C8orf34: variants seen among roughly 807,000 people sequenced by gnomAD.
C8orf34 encodes the protein uncharacterized protein C8orf34.
A neutral mutation model predicts 68.3 loss-of-function variants in C8orf34; 65 were observed. The ratio of observed to expected loss-of-function variants is 0.95; its 90% confidence interval spans 0.78 to 1.17. The LOEUF (loss-of-function observed/expected upper bound fraction) is 1.17, where lower values mean the gene tolerates loss of function less well. Ranked by LOEUF, C8orf34 falls within the 50% of genes most tolerant of loss-of-function variation. The probability of loss-of-function intolerance (pLI) is 0.00; values close to 1 mark genes in which losing one functional copy is unlikely to be tolerated. For missense variants in C8orf34, 664 were observed against 655.4 expected (o/e 1.01, Z -0.14); for synonymous variants, 244 against 241.2 (o/e 1.01, Z -0.11).
intron 1 of C8orf34, among the ~76,000 whole-genome samples, chr8:68,367,667 C>T (rs1807337961): frequency 7.0e-6 from 1 of 142,292 alleles, no homozygotes; most frequent in Non-Finnish European, 1.5e-5. Flanking sequence ...CCAAACACCA[C>T]ATATTCTCAC....
At position 68,647,693 on chromosome 8, in the gene C8orf34, G is replaced by A. The variant is rs35109419; in HGVS notation, c.1241+7182G>A. ...TGTGCCAAAAAGTGATTAAAGGATC[G>A]AGAATATAACACAAGGTTTGTTGTT... On this transcript the variant is annotated intron_variant, in intron 8 of 13. Coordinates refer to ENST00000518698, the MANE Select transcript of C8orf34 (RefSeq NM_052958.4). 3.9e-3 allele frequency among the ~76,000 whole-genome samples: 600 copies of A among 152,228 alleles called. 1 individual carries two copies. Among genetic ancestry groups the A allele is most frequent in the Non-Finnish European group, 6.1e-3 (414 of 68,002 alleles).
intron 1 of C8orf34, among the ~76,000 whole-genome samples, chr8:68,424,830 G>T (rs1388215965): frequency 6.6e-6 from 1 of 152,082 alleles, no homozygotes; most frequent in Non-Finnish European, 1.5e-5. Context: ...AACCTGGGAG[G>T]CGGAGCTTGC....
chr8:68,647,688 G>A (rs1012544913), intron 8 of C8orf34, among the ~76,000 whole-genome samples: 1 of 152,088 alleles, frequency 6.6e-6, no homozygotes, highest in East Asian at 1.9e-4. Context: ...AGTGATTAAA[G>A]GATCGAGAAT....
chr8:68,467,183 G>C (rs1001473988), intron 3 of C8orf34, among the ~76,000 whole-genome samples: 1 of 151,670 alleles, frequency 6.6e-6, no homozygotes, highest in African/African-American at 2.4e-5. Context: ...TCTCATCCTG[G>C]CCCTATAGTA....
intron 7 of C8orf34, among the ~76,000 whole-genome samples, chr8:68,586,025 G>T (rs1817199659): frequency 6.6e-6 from 1 of 152,004 alleles, no homozygotes; most frequent in Non-Finnish European, 1.5e-5. Flanking sequence ...CTTGGAGGCT[G>T]GTTACCACCT....
intron 3 of C8orf34, among the ~76,000 whole-genome samples, chr8:68,461,585 C>T (rs567001796): frequency 1.7e-4 from 26 of 152,280 alleles, no homozygotes; most frequent in African/African-American, 5.1e-4. Context: ...AGACTAAGAG[C>T]GGATCTCTCG....
At chr8:68,563,918 C>A (rs1816507833) in intron 7 of C8orf34, among the ~76,000 whole-genome samples, 1 of 152,122 alleles carries the variant, frequency 6.6e-6, no homozygotes, top group African/African-American at 2.4e-5. Flanking sequence ...TTACTGAACA[C>A]AATTTAGCTT....
intron 6 of C8orf34, among the ~76,000 whole-genome samples, chr8:68,526,136 T>C (rs1814976491): frequency 6.6e-6 from 1 of 151,842 alleles, no homozygotes; most frequent in Non-Finnish European, 1.5e-5. Context: ...TTCTTTTAAA[T>C]TTTTTGTAGA....
chr8:68,551,031 G>C (rs1816052280), intron 7 of C8orf34, among the ~76,000 whole-genome samples: 1 of 151,388 alleles, frequency 6.6e-6, no homozygotes, highest in African/African-American at 2.4e-5. Context: ...TGAGCTTCTT[G>C]GATCTGTGGC....
chr8:68,647,738 A>G (rs1269428253), intron 8 of C8orf34, among the ~76,000 whole-genome samples: 2 of 152,250 alleles, frequency 1.3e-5, no homozygotes, highest in African/African-American at 2.4e-5. Context: ...TATAAGAAAT[A>G]AAGAAAAATA....
intron 12 of C8orf34, among the ~76,000 whole-genome samples, chr8:68,795,781 T>C (rs61141135): frequency 0.038 from 5,858 of 152,320 alleles, 309 homozygotes; most frequent in African/African-American, 0.11. Flanking sequence ...TGGCCTTCCA[T>C]GGAAGTCTCA....
chr8:68,644,152 T>C (rs1255150857), intron 8 of C8orf34, among the ~76,000 whole-genome samples: 1 of 152,112 alleles, frequency 6.6e-6, no homozygotes, highest in African/African-American at 2.4e-5. Context: ...AAATTAATTA[T>C]GAACTAAGTG....
At chr8:68,591,005 G>A (rs2130434558) in intron 7 of C8orf34, among the ~76,000 whole-genome samples, 1 of 152,282 alleles carries the variant, frequency 6.6e-6, no homozygotes, top group South Asian at 2.1e-4. Context: ...AAGGAGGCCA[G>A]AATCAGGCCA....
intron 7 of C8orf34, among the ~76,000 whole-genome samples, chr8:68,561,375 T>C (rs1816421603): frequency 6.6e-6 from 1 of 152,188 alleles, no homozygotes; most frequent in South Asian, 2.1e-4. Context: ...AAAAAAATCT[T>C]TCCTTTGTAT....
At chr8:68,749,651 A>T (rs1235229810) in intron 10 of C8orf34, among the ~76,000 whole-genome samples, 1 of 152,124 alleles carries the variant, frequency 6.6e-6, no homozygotes, top group Admixed American at 6.5e-5. Context: ...TTCTGTTCCT[A>T]TACATTTGCC....
intron 7 of C8orf34, among the ~76,000 whole-genome samples, chr8:68,548,422 C>T (rs529639114): frequency 6.6e-6 from 1 of 151,738 alleles, no homozygotes; most frequent in African/African-American, 2.4e-5. Flanking sequence ...GAAATAAGCA[C>T]TTGAAGAATG....
intron 11 of C8orf34, among the ~76,000 whole-genome samples, chr8:68,781,905 T>C (rs1823689812): frequency 6.6e-6 from 1 of 152,208 alleles, no homozygotes; most frequent in South Asian, 2.1e-4. Context: ...TGCTTATCTG[T>C]TCAGGAATAA....
chr8:68,796,951 C>T (rs999922445), intron 12 of C8orf34, among the ~76,000 whole-genome samples: 4 of 151,714 alleles, frequency 2.6e-5, no homozygotes, highest in East Asian at 3.9e-4. Context: ...CTCAGCCTGC[C>T]GAGTAGCTGG....
intron 8 of C8orf34, among the ~76,000 whole-genome samples, chr8:68,665,899 G>C (rs556147931): frequency 6.6e-6 from 1 of 152,318 alleles, no homozygotes; most frequent in Admixed American, 6.5e-5. Flanking sequence ...GATCTTGTCT[G>C]TTTTGTTCAC....
Sources: allele counts gnomAD v4.1 joint callset (sites outside exome capture counted in the v4.1 genomes callset), GRCh38; gene constraint gnomAD v4.1.1; transcripts MANE v1.5; gene names NCBI Gene and HGNC (gene_info 2026-07-23, HGNC 2026-07-21).